ZNF568: variants seen among roughly 807,000 people sequenced by gnomAD.
ZNF568 encodes the protein zinc finger protein 568.
Under a neutral mutation model 18.1 loss-of-function variants are expected in ZNF568, and 11 were observed. That is an observed-to-expected ratio of 0.61 (90% CI 0.38 to 1.00). ZNF568 has a LOEUF of 1.00. ZNF568 is among the 50% of genes least tolerant of loss of function. The pLI, the probability that ZNF568 is intolerant of heterozygous loss-of-function variation, is 0.01. For missense variants in ZNF568, 639 were observed against 768.2 expected, an observed-to-expected ratio of 0.83 and a Z score of 1.99; for synonymous variants, 213 against 246.6, an observed-to-expected ratio of 0.86 and a Z score of 1.28.
chr19:36,942,491 C>T (rs10424100), intron 6 of ZNF568, among the ~76,000 whole-genome samples: 26,441 of 147,184 alleles, frequency 0.18, 2,322 homozygotes, highest in Middle Eastern at 0.21. Flanking sequence ...CCCAGCTACT[C>T]GGGAGGCTGA....
At chr19:36,988,392 G>A (rs1031954292) in intron 2 of ZNF568, among the ~76,000 whole-genome samples, 8 of 152,210 alleles carry the variant, frequency 5.3e-5, no homozygotes, top group Admixed American at 6.5e-5. Context: ...TCCACAGGCT[G>A]TTCAGGAAGC....
At chr19:36,978,743 C>T (rs1450181982) in intron 7 of ZNF568, among the ~76,000 whole-genome samples, 2 of 152,174 alleles carry the variant, frequency 1.3e-5, no homozygotes, top group Non-Finnish European at 2.9e-5. Context: ...TCTCTGCTCT[C>T]TCTCTGACTT....
downstream of ZNF568, among the ~76,000 whole-genome samples, chr19:36,956,554 A>G (rs2074108552): frequency 6.6e-6 from 1 of 152,124 alleles, no homozygotes; most frequent in East Asian, 1.9e-4. Flanking sequence ...GACTTAAAAC[A>G]GTAGACATTT....
chr19:36,925,379 C>T (rs935652002), intron 4 of ZNF568, 121 bp downstream of exon 4: 52 of 900,874 alleles, frequency 5.8e-5, no homozygotes, highest in Non-Finnish European at 7.3e-5. Context: ...AGAAAAAATA[C>T]AGATAGAAAA....
At chr19:36,992,877 T>C (rs920850608) in intron 4 of ZNF568, among the ~76,000 whole-genome samples, 5 of 152,240 alleles carry the variant, frequency 3.3e-5, no homozygotes, top group African/African-American at 7.2e-5. Context: ...ACATTTTATA[T>C]TAATGATATC....
At chr19:36,989,355 G>A (rs1372091254) in intron 2 of ZNF568, among the ~76,000 whole-genome samples, 2 of 151,944 alleles carry the variant, frequency 1.3e-5, no homozygotes, top group Non-Finnish European at 2.9e-5. Context: ...GCTAATTTTT[G>A]TATTTTTAGT....
intron 4 of ZNF568, among the ~76,000 whole-genome samples, chr19:36,934,343 C>T (rs1419912520): frequency 2.8e-5 from 4 of 143,722 alleles, no homozygotes; most frequent in African/African-American, 1.0e-4. Flanking sequence ...GAGTCTCACT[C>T]TGTCACCCAG....
At chr19:36,989,822 A>G (rs1167601940) in intron 2 of ZNF568, among the ~76,000 whole-genome samples, 1 of 152,136 alleles carries the variant, frequency 6.6e-6, no homozygotes, top group East Asian at 1.9e-4. Context: ...TTGGGATGAC[A>G]AGAGTGAGCC....
chr19:36,949,907 T>G lies in ZNF568; in HGVS notation c.754T>G (p.Cys252Gly), dbSNP rs2074029078. ...RIHAGEKPYE[C>G]KECGKAFSRK... ...TCATGCTGGAGAGAAACCTTACGAA[T>G]GTAAAGAATGTGGAAAAGCCTTCAG... is the stretch of plus-strand genomic sequence containing the variant. The change falls in exon 7 of 7, where the codon TGT (cysteine) becomes GGT (glycine). Residue 252 changes from cysteine (C) to glycine (G), a missense_variant. Physicochemically the swap from Cys to Gly is radical, Grantham distance 159. Transcript: ENST00000333987. 6.2e-7 allele frequency: 1 copy of G among 1,613,814 alleles called. No homozygotes were observed. Among genetic ancestry groups the G allele is most frequent in the East Asian group, 2.2e-5 (1 of 44,862 alleles).
At chr19:36,942,598 C>CAAAAAA (rs1157835192) in intron 6 of ZNF568, among the ~76,000 whole-genome samples, 8 of 68,412 alleles carry the variant, frequency 1.2e-4, no homozygotes, top group Non-Finnish European at 1.6e-4. Context: ...GACTCCGTCT[C>CAAAAAA]AAAAAAAAAA....
rs755681808 is a variant in ZNF568 at position 36,936,805 on chromosome 19, G to T, written c.195G>T (p.Met65Ile). 1.9e-6 allele frequency: 3 copies of T among 1,614,000 alleles called. No individual in the cohort carries two copies. The highest frequency in any genetic ancestry group is 1.7e-6 in the Non-Finnish European group (2 of 1,179,900). Residue 65 changes from methionine to isoleucine, a missense_variant, in exon 5 of 7, where the codon ATG (methionine) becomes ATT (isoleucine). Met to Ile is a conservative substitution (Grantham distance 10). Coordinates refer to ENST00000333987, the MANE Select transcript of ZNF568 (RefSeq NM_198539.4). ...VDLTQEEWEQ[M>I]KPAQRNLYRD... is the part of the protein sequence containing the mutation. ...TTACCCAGGAGGAGTGGGAGCAAATGAAACCTGCTCAAAGAAACTTGTATC... is the reference window on the plus strand; with the variant it reads ...TTACCCAGGAGGAGTGGGAGCAAATTAAACCTGCTCAAAGAAACTTGTATC...
chr19:36,949,263 G>A (rs149461709), intron 6 of ZNF568, among the ~76,000 whole-genome samples: 141 of 152,038 alleles, frequency 9.3e-4, no homozygotes, highest in Non-Finnish European at 1.4e-3. Context: ...TGCACTATAC[G>A]TGGACGCTTT....
chr19:36,987,822 C>CTGTGTG (rs56000710), intron 2 of ZNF568, among the ~76,000 whole-genome samples: 88 of 146,418 alleles, frequency 6.0e-4, no homozygotes, highest in South Asian at 1.8e-3. Flanking sequence ...AACACAGACT[C>CTGTGTG]TGTGTGTGTG....
At chr19:36,957,270 C>T (rs542636955), downstream of ZNF568, among the ~76,000 whole-genome samples, 878 of 137,330 alleles carry the variant, frequency 6.4e-3, 4 homozygotes, top group South Asian at 0.012. Flanking sequence ...CCTGCTCTGT[C>T]GCCCAGGCTG....
chr19:36,940,202 G>T (rs1201258044), intron 6 of ZNF568, among the ~76,000 whole-genome samples: 1 of 152,206 alleles, frequency 6.6e-6, no homozygotes, highest in African/African-American at 2.4e-5. Flanking sequence ...AGAAATGACA[G>T]CATTGGAATA....
At chr19:36,955,572 A>G (rs1276869483), downstream of ZNF568, among the ~76,000 whole-genome samples, 35 of 152,174 alleles carry the variant, frequency 2.3e-4, no homozygotes, top group Admixed American at 2.3e-3. Context: ...AGTGACTGAG[A>G]CAGACTTTGA....
At chr19:36,922,211 G>T (rs1056084401) in intron 2 of ZNF568, among the ~76,000 whole-genome samples, 1 of 152,150 alleles carries the variant, frequency 6.6e-6, no homozygotes, top group African/African-American at 2.4e-5. Context: ...GTCATCAGAA[G>T]GCTGGGCTGG....
chr19:36,935,182 T>C (rs1245716815), intron 4 of ZNF568, among the ~76,000 whole-genome samples: 2 of 148,022 alleles, frequency 1.4e-5, no homozygotes, highest in Non-Finnish European at 3.0e-5. Flanking sequence ...GTGTGTTCTA[T>C]AGGTGTCTGT....
At chr19:36,964,378 A>C (rs2074178359) in intron 6 of ZNF568, among the ~76,000 whole-genome samples, 1 of 152,216 alleles carries the variant, frequency 6.6e-6, no homozygotes, top group Admixed American at 6.5e-5. Context: ...ACTTTGTAAG[A>C]TCTCCTGGTG....
Sources: gnomAD v4.1 joint callset for allele counts (sites outside exome capture counted in the v4.1 genomes callset) on GRCh38, gnomAD v4.1.1 for gene constraint, MANE v1.5 for transcripts, NCBI Gene and HGNC (gene_info 2026-07-23, HGNC 2026-07-21) for gene names.